Variants in DAPK1 observed in about 807,000 individuals in gnomAD.
DAPK1 encodes the protein death associated protein kinase 1.
In DAPK1, 56 loss-of-function variants were observed where a neutral mutation model predicts 144.9. The ratio of observed to expected loss-of-function variants is 0.39; its 90% CI spans 0.31 to 0.48. The LOEUF is 0.48. DAPK1 is among the 20% of genes least tolerant of loss of function. DAPK1 has a pLI of 0.95. For missense variants in DAPK1, 1,454 were observed against 1,875.4 expected, an observed-to-expected ratio of 0.78 and a Z score of 4.15; for synonymous variants, 690 against 749.0, an observed-to-expected ratio of 0.92 and a Z score of 1.29.
chr9:87,513,574 G>A (rs1316126382), intron 2 of DAPK1, among the ~76,000 whole-genome samples: 1 of 152,224 alleles, frequency 6.6e-6, no homozygotes, highest in Non-Finnish European at 1.5e-5. Flanking sequence ...CTCTAGACCA[G>A]CAGCTGGAGG....
At position 87,686,410 on chromosome 9, in the gene DAPK1, G is replaced by A; in HGVS notation, c.2225-141G>A. 2 of 621,872 alleles carry A rather than the reference G, an allele frequency of 3.2e-6. No homozygotes were observed. Among genetic ancestry groups the A allele is most frequent in the Non-Finnish European group, 2.9e-6 (1 of 343,688 alleles). The allele number at this position is 621,872 out of a possible 1,614,324, so 38.5% of individuals were successfully genotyped here. On this transcript the variant is annotated intron_variant, in intron 20 of 25. Transcript: ENST00000408954. This position sits in a 1 kb window ranked among gnomAD's most constrained non-coding sequence, Gnocchi z 4.2. ...ACACTGCTGCCCTGCACGTGTGAGGGCAGACACACTCAGCCTGAAGCCAGA... is the reference window on the plus strand; with the variant it reads ...ACACTGCTGCCCTGCACGTGTGAGGACAGACACACTCAGCCTGAAGCCAGA...
At chr9:87,675,494 G>A (rs546411221) in intron 19 of DAPK1, among the ~76,000 whole-genome samples, 2 of 152,226 alleles carry the variant, frequency 1.3e-5, no homozygotes, top group South Asian at 4.1e-4. Context: ...GTACCTGGGT[G>A]TGCAGGCAGA....
At chr9:87,629,685 C>T (rs897165104) in intron 3 of DAPK1, among the ~76,000 whole-genome samples, 3 of 152,036 alleles carry the variant, frequency 2.0e-5, no homozygotes, top group African/African-American at 7.2e-5. Context: ...CTAACTCTTT[C>T]AAAGTATACA....
upstream of DAPK1, chr9:87,497,765 G>A (rs1283286633): frequency 1.5e-5 from 5 of 329,366 alleles, no homozygotes; most frequent in South Asian, 6.2e-4. Flanking sequence ...TGGCAGGGCA[G>A]CTCGGAGGTG....
At chr9:87,612,617 A>G (rs1191815124) in intron 3 of DAPK1, among the ~76,000 whole-genome samples, 1 of 152,220 alleles carries the variant, frequency 6.6e-6, no homozygotes, top group Non-Finnish European at 1.5e-5. Context: ...GTTAACAGAA[A>G]CTAGATTTCC....
chr9:87,649,501 A>G (rs139790372), intron 15 of DAPK1, among the ~76,000 whole-genome samples: 325 of 152,308 alleles, frequency 2.1e-3, no homozygotes, highest in African/African-American at 7.3e-3. Flanking sequence ...ATGCTCAGGG[A>G]AGTGGTTACC....
Position 87,708,173 on chromosome 9 carries a change from CA to C in DAPK1, c.*810del. 2 of 256,970 alleles carry C rather than the reference CA, an allele frequency of 7.8e-6. No homozygotes were observed. Among genetic ancestry groups the C allele is most frequent in the Non-Finnish European group, 1.5e-5 (2 of 130,598 alleles). 15.9% of individuals were successfully genotyped at this position (256,970 alleles called of 1,614,324 possible). A position where few individuals can be genotyped will look rare whatever the true frequency, so the allele number is the denominator to read the frequency against. ...GTTCCAATGTCAATGTGAACGTCCA[CA>C]TGAAACCTACACACTGTCATGCTTC... is the stretch of plus-strand genomic sequence containing the variant. On this transcript the variant is annotated 3_prime_UTR_variant, in exon 26 of 26. Transcript: ENST00000408954.
chr9:87,526,257 C>T (rs1825504611), intron 2 of DAPK1, among the ~76,000 whole-genome samples: 2 of 152,198 alleles, frequency 1.3e-5, no homozygotes, highest in African/African-American at 4.8e-5. Flanking sequence ...GGAACTACTA[C>T]TGCAATCAGG....
chr9:87,617,854 T>A (rs1306762878), intron 3 of DAPK1, among the ~76,000 whole-genome samples: 1 of 152,126 alleles, frequency 6.6e-6, no homozygotes, highest in Non-Finnish European at 1.5e-5. Flanking sequence ...CCCCTCTGCT[T>A]CTCTAGCTCA....
chr9:87,611,959 G>A (rs1828946848), intron 3 of DAPK1, among the ~76,000 whole-genome samples: 1 of 152,206 alleles, frequency 6.6e-6, no homozygotes, highest in South Asian at 2.1e-4. Flanking sequence ...GTAATTTATA[G>A]AGAAAATAAG....
chr9:87,640,159 G>C, intron 7 of DAPK1, 139 bp from the exon 8 acceptor site: 2 of 879,134 alleles, frequency 2.3e-6, no homozygotes, highest in South Asian at 3.6e-5. Flanking sequence ...GACAGTTAAA[G>C]CCCTATGAAA....
chr9:87,660,012 C>T (rs866539859), intron 18 of DAPK1, among the ~76,000 whole-genome samples: 17 of 152,104 alleles, frequency 1.1e-4, no homozygotes, highest in African/African-American at 3.6e-4. Flanking sequence ...GTCCTGAGGG[C>T]GTGGACAGGG....
Position 87,706,120 on chromosome 9 carries a change from G to T in DAPK1, c.3061-12G>T. 1 of 1,570,772 alleles carries T rather than the reference G, an allele frequency of 6.4e-7. No individual in the cohort carries two copies. The highest frequency in any genetic ancestry group is 1.2e-5 in the South Asian group (1 of 85,356). On this transcript the variant is annotated splice_polypyrimidine_tract_variant and intron_variant, in intron 25 of 25. Transcript: ENST00000408954. The surrounding 1 kb of genome is among the most constrained non-coding windows in gnomAD (Gnocchi z 9.0). Reference sequence around the variant, plus strand: ...CTGTCCCTAAGCGTGACTTTCTGTTGTCCCCCCGCAGATCAACATCATGCA... The same window carrying T: ...CTGTCCCTAAGCGTGACTTTCTGTTTTCCCCCCGCAGATCAACATCATGCA...
At position 87,646,499 on chromosome 9, in the gene DAPK1, G is replaced by A. The variant is rs1327274868; in HGVS notation, c.1170G>A (p.Gly390=). Residue 390 remains glycine (G), a synonymous_variant, in exon 13 of 26, where the codon GGG becomes GGA. Coordinates refer to ENST00000408954, the MANE Select transcript of DAPK1 (RefSeq NM_004938.4). The part of the protein sequence containing the change: ...TPPLLIAAGC[G]NIQILQLLIK... ...CATTACTCATTGCTGCTGGCTGTGG[G>A]AATATTCAAATACTACAGTTGCTCA... is the stretch of plus-strand genomic sequence containing the variant. 1 of 1,613,916 alleles carries A rather than the reference G, an allele frequency of 6.2e-7. No individual in the cohort carries two copies. Among genetic ancestry groups the A allele is most frequent in the Non-Finnish European group, 8.5e-7 (1 of 1,179,922 alleles).
chr9:87,556,471 T>C (rs760686538), intron 2 of DAPK1, among the ~76,000 whole-genome samples: 26 of 152,326 alleles, frequency 1.7e-4, no homozygotes, highest in Middle Eastern at 3.4e-3. Context: ...TTATTCAGTG[T>C]CATGGGAAGC....
chr9:87,540,769 A>G (rs1434450912), intron 2 of DAPK1, among the ~76,000 whole-genome samples: 5 of 152,168 alleles, frequency 3.3e-5, no homozygotes, highest in Non-Finnish European at 5.9e-5. Context: ...ACATCATACC[A>G]CAGCGTAGTT....
intron 2 of DAPK1, among the ~76,000 whole-genome samples, chr9:87,544,645 T>G (rs923471456): frequency 1.2e-4 from 19 of 152,204 alleles, no homozygotes; most frequent in Non-Finnish European, 2.5e-4. Context: ...AACATTTATT[T>G]TTGGTAGCTG....
At chr9:87,670,708 G>A (rs747918290) in intron 19 of DAPK1, among the ~76,000 whole-genome samples, 8 of 152,080 alleles carry the variant, frequency 5.3e-5, no homozygotes, top group South Asian at 4.2e-4. Context: ...CTGGAAATCC[G>A]CTTACCACAT....
At chr9:87,658,299 C>A (rs773669555) in intron 18 of DAPK1, among the ~76,000 whole-genome samples, 172 bp downstream of exon 18, 5 of 152,230 alleles carry the variant, frequency 3.3e-5, no homozygotes, top group African/African-American at 7.2e-5. Context: ...ACATGCCCAG[C>A]CTAATGTCTC....
Sources: gnomAD v4.1 joint callset for allele counts (sites outside exome capture counted in the v4.1 genomes callset) on GRCh38, gnomAD v4.1.1 for gene constraint, Gnocchi (gnomAD v3.1) non-coding constraint, MANE v1.5 for transcripts, NCBI Gene and HGNC (gene_info 2026-07-23, HGNC 2026-07-21) for gene names.